Variants in ALPL observed in about 807,000 individuals in gnomAD.
ALPL encodes the protein alkaline phosphatase, biomineralization associated.
In ALPL, 42 loss-of-function variants were observed where a neutral mutation model predicts 51.3. The ratio of observed to expected loss-of-function variants is 0.82; its 90% CI spans 0.64 to 1.06. ALPL has a LOEUF of 1.06. ALPL is among the 50% of genes least tolerant of loss of function. The probability of loss-of-function intolerance (pLI) is 0.00; values close to 1 mark genes in which losing one functional copy is unlikely to be tolerated. For missense variants in ALPL, 589 were observed against 709.4 expected (o/e 0.83, Z 1.93); for synonymous variants, 279 against 296.4 (o/e 0.94, Z 0.60).
At chr1:21,537,879 C>T (rs1275748935) in intron 1 of ALPL, among the ~76,000 whole-genome samples, 1 of 152,198 alleles carries the variant, frequency 6.6e-6, no homozygotes, top group Non-Finnish European at 1.5e-5. Context: ...TGAAAAGCCC[C>T]CGGCGCGTAG....
intron 1 of ALPL, among the ~76,000 whole-genome samples, chr1:21,521,191 CTT>C (rs201667996): frequency 3.4e-5 from 5 of 147,666 alleles, no homozygotes; most frequent in African/African-American, 7.4e-5. Flanking sequence ...CGTTTAATGA[CTT>C]TTTTTTTTTT....
rs1570252164 is a variant in ALPL, at chr1:21,554,116, C to T, written c.35C>T (p.Thr12Ile). The T allele has an allele frequency of 6.2e-7, 1 of 1,613,328 alleles. No homozygotes were observed. The highest frequency in any genetic ancestry group is 8.5e-7 in the Non-Finnish European group (1 of 1,179,726). Residue 12 changes from threonine to isoleucine, a missense_variant, in exon 2 of 12, where the codon ACC (threonine) becomes ATC (isoleucine). Physicochemically the swap from Thr to Ile is moderately conservative, Grantham distance 89. Coordinates refer to ENST00000374840, the MANE Select transcript of ALPL (RefSeq NM_000478.6). Reference protein sequence around the residue: ...ISPFLVLAIGTCLTNSLVPEK... With the variant: ...ISPFLVLAIGICLTNSLVPEK... ...CCATTCTTAGTACTGGCCATTGGCA[C>T]CTGCCTTACTAACTCCTTAGTGCCA...
rs1007692398 is a variant in ALPL, at chr1:21,564,339, G to C, written c.648+123G>C. ...GCCTGGCTCCCCACACACCTGGGAG[G>C]CTCCCAGCCCATTAGGGGATTTGCG... On this transcript the variant is annotated intron_variant, in intron 6 of 11. Coordinates refer to ENST00000374840, the MANE Select transcript of ALPL (RefSeq NM_000478.6). This position sits in a 1 kb window ranked among gnomAD's most constrained non-coding sequence, Gnocchi z 5.8. 7.9e-7 allele frequency: 1 copy of C among 1,271,870 alleles called. No individual in the cohort carries two copies. Among genetic ancestry groups the C allele is most frequent in the African/African-American group, 1.5e-5 (1 of 67,850 alleles). The allele number at this position is 1,271,870 out of a possible 1,614,324, so 78.8% of individuals were successfully genotyped here.
chr1:21,559,178 C>T (rs947489151), intron 2 of ALPL, among the ~76,000 whole-genome samples: 3 of 152,152 alleles, frequency 2.0e-5, no homozygotes, highest in African/African-American at 4.8e-5. Context: ...TCTCTCCTCC[C>T]GTTCTGTGCA....
intron 9 of ALPL, among the ~76,000 whole-genome samples, chr1:21,575,193 G>A (rs756163027): frequency 1.6e-4 from 25 of 152,198 alleles, no homozygotes; most frequent in Non-Finnish European, 2.8e-4. Context: ...GATGAAAAAC[G>A]GGGTTAGGAC....
Position 21,564,653 on chromosome 1 carries a change from T to TC in ALPL, c.648+438dup, listed in dbSNP as rs200094049. Among the ~76,000 whole-genome samples the TC allele has an allele frequency of 8.0e-3, 1,221 of 152,318 alleles. 23 individuals carry two copies. Among genetic ancestry groups the TC allele is most frequent in the African/African-American group, 0.028 (1,172 of 41,558 alleles). On this transcript the variant is annotated intron_variant, in intron 6 of 11. Coordinates refer to ENST00000374840, the MANE Select transcript of ALPL (RefSeq NM_000478.6). The surrounding 1 kb of genome is among the most constrained non-coding windows in gnomAD (Gnocchi z 5.8). ...TACAGTGGTTGGCTAGTGCCAGCTC[T>TC]CGTGTTTAAACTTCCGAGTTCCAGA...
intron 2 of ALPL, 152 bp downstream of exon 2, chr1:21,554,294 CA>C: frequency 1.4e-6 from 1 of 721,938 alleles, no homozygotes. Context: ...CTGCTACTTG[CA>C]TGTGTTAGTT....
In ALPL at chr1:21,563,260, A is replaced by C. The variant is rs1180849021; in HGVS notation, c.448A>C (p.Ile150Leu). The change falls in exon 5 of 12, where the codon ATC becomes CTC. Residue 150 changes from isoleucine to leucine, a missense_variant. Physicochemically the swap from Ile to Leu is conservative, Grantham distance 5. Coordinates refer to ENST00000374840, the MANE Select transcript of ALPL (RefSeq NM_000478.6). ...NTTQGNEVTS[I>L]LRWAKDAGKS... Reference sequence around the variant, plus strand: ...CACCCAGGGGAACGAGGTCACCTCCATCCTGCGCTGGGCCAAGGACGCTGG... The same window carrying C: ...CACCCAGGGGAACGAGGTCACCTCCCTCCTGCGCTGGGCCAAGGACGCTGG... 1 of 1,613,102 alleles carries C rather than the reference A, an allele frequency of 6.2e-7. No individual in the cohort carries two copies. The highest frequency in any genetic ancestry group is 1.7e-5 in the Admixed American group (1 of 59,994).
chr1:21,513,814 G>A (rs1643738861), intron 1 of ALPL, among the ~76,000 whole-genome samples: 1 of 152,160 alleles, frequency 6.6e-6, no homozygotes. Context: ...AGAAGATGTG[G>A]CCATATGGGG....
intron 2 of ALPL, among the ~76,000 whole-genome samples, chr1:21,554,827 TTCTTTCTTTC>T (rs1644385106): frequency 8.4e-6 from 1 of 119,268 alleles, no homozygotes; most frequent in Non-Finnish European, 1.8e-5. Context: ...CTTTCTTTCT[TTCTTTCTTTC>T]TTTCTTTCTT....
At chr1:21,560,816 T>C (rs1558547452) in intron 3 of ALPL, 71 bp downstream of exon 3, 20 of 1,592,826 alleles carry the variant, frequency 1.3e-5, no homozygotes, top group Non-Finnish European at 1.7e-5. Context: ...CCAGGCTGAG[T>C]TGAAGGGGGC....
At chr1:21,567,384 C>T (rs1467452202) in intron 6 of ALPL, among the ~76,000 whole-genome samples, 3 of 102,722 alleles carry the variant, frequency 2.9e-5, no homozygotes, top group African/African-American at 1.3e-4. Context: ...CGTCTGCCCG[C>T]ACACACCAGC....
chr1:21,517,710 T>G (rs1022798148), intron 1 of ALPL, among the ~76,000 whole-genome samples: 2 of 152,128 alleles, frequency 1.3e-5, no homozygotes, highest in Admixed American at 1.3e-4. Flanking sequence ...CCTTTCCCTC[T>G]CTTAGCTTCT....
At position 21,575,845 on chromosome 1, in the gene ALPL, C is replaced by T. The variant is rs2148189915; in HGVS notation, c.1110C>T (p.Asp370=). Residue 370 remains aspartate, a synonymous_variant, in exon 10 of 12, where the codon GAC becomes GAT. Transcript: ENST00000374840. The part of the protein sequence containing the change: ...GQAGSLTSSE[D]TLTVVTADHS... ...CAGGCAGCTTGACCTCCTCGGAAGA[C>T]ACTCTGACCGTGGTCACTGCGGACC... 1 of 1,614,262 alleles carries T rather than the reference C, an allele frequency of 6.2e-7. No homozygotes were observed. Among genetic ancestry groups the T allele is most frequent in the South Asian group, 1.1e-5 (1 of 91,092 alleles).
intron 1 of ALPL, among the ~76,000 whole-genome samples, chr1:21,514,111 A>T (rs1324440265): frequency 1.1e-4 from 17 of 152,210 alleles, no homozygotes; most frequent in Admixed American, 1.1e-3. Context: ...GCCTGGCAAC[A>T]TCTACAAAAC....
intron 1 of ALPL, among the ~76,000 whole-genome samples, chr1:21,525,915 G>A (rs1180281034): frequency 6.6e-6 from 1 of 152,088 alleles, no homozygotes; most frequent in Admixed American, 6.5e-5. Flanking sequence ...TTGAACCTGG[G>A]AGGCAGAGGT....
intron 2 of ALPL, among the ~76,000 whole-genome samples, chr1:21,555,137 G>T (rs1297692245): frequency 6.6e-6 from 1 of 151,202 alleles, no homozygotes; most frequent in Non-Finnish European, 1.5e-5. Context: ...GTCAAAGGGG[G>T]GTTCTCTGGC....
intron 1 of ALPL, among the ~76,000 whole-genome samples, chr1:21,547,321 C>A (rs1451223078): frequency 1.3e-5 from 2 of 152,202 alleles, no homozygotes; most frequent in Admixed American, 6.5e-5. Context: ...GGGTCACGGC[C>A]ACTGACCCAG....
At chr1:21,532,035 T>C (rs1644037272) in intron 1 of ALPL, among the ~76,000 whole-genome samples, 1 of 152,124 alleles carries the variant, frequency 6.6e-6, no homozygotes, top group Non-Finnish European at 1.5e-5. Flanking sequence ...CCAGGAGCCA[T>C]ATGTCTTCTC....
Sources: allele counts gnomAD v4.1 joint callset (sites outside exome capture counted in the v4.1 genomes callset), GRCh38; gene constraint gnomAD v4.1.1; non-coding constraint Gnocchi (gnomAD v3.1); transcripts MANE v1.5; gene names NCBI Gene and HGNC (gene_info 2026-07-23, HGNC 2026-07-21).